Variants in IRS4 observed in about 807,000 individuals in gnomAD.
IRS4 encodes the protein insulin receptor substrate 4, also known as 160 kDa phosphotyrosine protein.
In IRS4, 15 loss-of-function variants were observed where a neutral mutation model predicts 48.6. The ratio of observed to expected loss-of-function variants is 0.31; its 90% CI spans 0.21 to 0.48. The LOEUF (loss-of-function observed/expected upper bound fraction) is 0.48, where lower values mean the gene tolerates loss of function less well. IRS4 is among the 20% of genes least tolerant of loss of function. The probability of loss-of-function intolerance (pLI) is 0.99; values close to 1 mark genes in which losing one functional copy is unlikely to be tolerated. For synonymous variants in IRS4, 459 were observed against 413.2 expected (o/e 1.11, Z -1.34); for missense variants, 987 against 1,023.4 (o/e 0.96, Z 0.49).
At chrX:108,724,503 T>G (rs915315867) in intron 1 of IRS4, 1 of 112,269 alleles carries the variant, frequency 8.9e-6, no homozygotes, top group Non-Finnish European at 1.9e-5. Flanking sequence ...GCCACAGATT[T>G]GCCTTTATAA....
chrX:108,721,255 C>T lies in IRS4; in HGVS notation c.*1264G>A, dbSNP rs1054100808. On this transcript the variant is annotated 3_prime_UTR_variant, in exon 2 of 2. Transcript: ENST00000372129. ...TTGTGTGCCACCACGGAACAAAGCT[C>T]TAAGCAAGCTTCAAGACCTTTGTAC... 1 of 111,732 alleles carries T rather than the reference C, an allele frequency of 8.9e-6. No homozygotes were observed. The highest frequency in any genetic ancestry group is 1.9e-5 in the Non-Finnish European group (1 of 53,139). The allele number at this position is 111,732 out of a possible 1,213,427, so 9.2% of individuals were successfully genotyped here.
Position 108,735,242 on chromosome X carries a change from G to T in IRS4, c.1103C>A (p.Pro368Gln), listed in dbSNP as rs1318227761. Residue 368 changes from proline to glutamine, a missense_variant, in exon 1 of 2, where the codon CCG (proline) becomes CAG (glutamine). By Grantham distance (76) the Pro-to-Gln change is moderately conservative (BLOSUM62 -1). This residue lies in a region of IRS4 where 74 missense variants were observed against 100.4 expected (regional missense o/e 0.74). Transcript: ENST00000372129. ...RRHLGLVPLE[P>Q]GGWLRRSRFE... Reference sequence around the variant, plus strand: ...GCGGGACCTTCTGAGCCAGCCTCCCGGCTCGAGCGGCACCAAGCCCAGGTG... The same window carrying T: ...GCGGGACCTTCTGAGCCAGCCTCCCTGCTCGAGCGGCACCAAGCCCAGGTG... The T allele has an allele frequency of 7.4e-6, 9 of 1,209,566 alleles. No individual in the cohort carries two copies. The highest frequency in any genetic ancestry group is 1.8e-5 in the African/African-American group (1 of 56,986).
chrX:108,732,534 A>G (rs1363803011), intron 1 of IRS4, 45 bp downstream of exon 1: 1 of 1,210,429 alleles, frequency 8.3e-7, no homozygotes, highest in Non-Finnish European at 1.1e-6. Flanking sequence ...GAATCATTAG[A>G]CAATGACCAT....
Position 108,732,990 on chromosome X carries a change from C to G in IRS4, c.3355G>C (p.Ala1119Pro), listed in dbSNP as rs940042462. The G allele has an allele frequency of 8.3e-7, 1 of 1,202,569 alleles. No individual in the cohort carries two copies. The highest frequency in any genetic ancestry group is 1.8e-5 in the African/African-American group (1 of 57,114). Residue 1119 changes from alanine (A) to proline (P), a missense_variant, in exon 1 of 2, where the codon GCT (alanine) becomes CCT (proline). By Grantham distance (27) the Ala-to-Pro change is conservative. Around this residue, in one of 4 missense-constraint regions of IRS4, gnomAD observed 720 missense variants for 660.3 expected, o/e 1.09. Coordinates refer to ENST00000372129, the MANE Select transcript of IRS4 (RefSeq NM_001379150.1). ...ERDLSPSSAP[A>P]VASAAEPTLA... is the part of the protein sequence containing the mutation. ...GTCGGCTCTGCAGCCGAAGCGACAG[C>G]CGGGGCTGAGGATGGGGAAAGGTCT...
chrX:108,722,796 C>T (rs1438104220), intron 1 of IRS4: 3 of 156,529 alleles, frequency 1.9e-5, no homozygotes, highest in Admixed American at 7.0e-5. Context: ...CATCTTTGCA[C>T]GTGCGTGCAC....
intron 1 of IRS4, chrX:108,724,422 A>T (rs749373840): frequency 2.7e-5 from 3 of 112,645 alleles, no homozygotes; most frequent in African/African-American, 9.7e-5. Context: ...GTAGAAAGGA[A>T]TAATGTTATC....
At chrX:108,726,057 A>G (rs1368892483) in intron 1 of IRS4, 1 of 112,485 alleles carries the variant, frequency 8.9e-6, no homozygotes, top group African/African-American at 3.2e-5. Flanking sequence ...CTGCCTAGTT[A>G]CTGCCAACTT....
rs2068856951 is a variant in IRS4 at position 108,721,829 on chromosome X, T to C, written c.*690A>G. The C allele has an allele frequency of 8.9e-6, 1 of 112,156 alleles. No individual in the cohort carries two copies. Among genetic ancestry groups the C allele is most frequent in the South Asian group, 3.7e-4 (1 of 2,680 alleles). 9.2% of individuals were successfully genotyped at this position (112,156 alleles called of 1,213,427 possible). ...GTTTCTCAGTTCTGCCTTTAAAATG[T>C]TGGAAATGCTCAATCAAGATATTAG... On this transcript the variant is annotated 3_prime_UTR_variant, in exon 2 of 2. Transcript: ENST00000372129.
Position 108,728,043 on chromosome X carries a change from A to C in IRS4, c.3766+4536T>G, listed in dbSNP as rs774012802. ...ATGTCAATGAATTATTAGGAAAATC[A>C]AAGAAATCTAACTTCAGTTAAAGAA... On this transcript the variant is annotated intron_variant, in intron 1 of 1. Coordinates refer to ENST00000372129, the MANE Select transcript of IRS4 (RefSeq NM_001379150.1). 2.7e-5 allele frequency among the ~76,000 whole-genome samples: 3 copies of C among 112,567 alleles called. No individual in the cohort carries two copies. The East Asian group carries it at 8.4e-4, about 31-fold the overall frequency.
chrX:108,726,891 TACA>T (rs1382559910), intron 1 of IRS4: 1 of 112,133 alleles, frequency 8.9e-6, no homozygotes. Flanking sequence ...CTTGGATCTG[TACA>T]ACAAGGATCC....
Position 108,736,479 on chromosome X carries a change from C to G in IRS4, c.-135G>C. ...CCTTGGCCCGCGCCCCCGCCCACTC[C>G]ACTCTGAGCGCACGACAGCGGGCAA... On this transcript the variant is annotated 5_prime_UTR_variant, in exon 1 of 2. Coordinates refer to ENST00000372129, the MANE Select transcript of IRS4 (RefSeq NM_001379150.1). 1 of 1,013,918 alleles carries G rather than the reference C, an allele frequency of 9.9e-7. No individual in the cohort carries two copies. The highest frequency in any genetic ancestry group is 1.3e-6 in the Non-Finnish European group (1 of 747,906). 83.6% of individuals were successfully genotyped at this position (1,013,918 alleles called of 1,213,427 possible). A position where few individuals can be genotyped will look rare whatever the true frequency, so the allele number is the denominator to read the frequency against.
In IRS4 at chrX:108,720,176, T is replaced by C. The variant is rs769219482; in HGVS notation, c.*2343A>G. On this transcript the variant is annotated 3_prime_UTR_variant, in exon 2 of 2. Transcript: ENST00000372129. ...AGAAATAGCAGATGTAATTAGCTGG[T>C]GGAACTGTAAAGTTTCAGTTTTTAA... 1 of 112,382 alleles carries C rather than the reference T, an allele frequency of 8.9e-6. No homozygotes were observed. Among genetic ancestry groups the C allele is most frequent in the Non-Finnish European group, 1.9e-5 (1 of 53,280 alleles). 9.3% of individuals were successfully genotyped at this position (112,382 alleles called of 1,213,427 possible). A position where few individuals can be genotyped will look rare whatever the true frequency, so the allele number is the denominator to read the frequency against.
In IRS4 at chrX:108,734,864, C is replaced by T. The variant is rs750749821; in HGVS notation, c.1481G>A (p.Gly494Asp). 4.1e-6 allele frequency: 5 copies of T among 1,210,308 alleles called. No homozygotes were observed. In the South Asian group the frequency reaches 7.0e-5, roughly 17 times the overall value. ...GGDYMPMNNWGSGNGRGSGGG... is the reference protein window; with the variant it reads ...GGDYMPMNNWDSGNGRGSGGG... ...TCCTGAGCCCCGGCCATTTCCTGAG[C>T]CCCAATTGTTCATAGGCATGTAGTC... Residue 494 changes from glycine to aspartate, a missense_variant, in exon 1 of 2, where the codon GGC (glycine) becomes GAC (aspartate). Physicochemically the swap from Gly to Asp is moderately conservative, Grantham distance 94. This residue lies in a region of IRS4 where 720 missense variants were observed against 660.3 expected (regional missense o/e 1.09). Coordinates refer to ENST00000372129, the MANE Select transcript of IRS4 (RefSeq NM_001379150.1).
intron 1 of IRS4, among the ~76,000 whole-genome samples, chrX:108,727,473 T>C (rs2068881523): frequency 8.9e-6 from 1 of 111,898 alleles, no homozygotes; most frequent in Non-Finnish European, 1.9e-5. Context: ...TATCAATAGC[T>C]TTAAAATCAG....
Position 108,734,123 on chromosome X carries a change from C to T in IRS4, c.2222G>A (p.Arg741Lys), listed in dbSNP as rs1987988527. 8.3e-7 allele frequency: 1 copy of T among 1,209,080 alleles called. No homozygotes were observed. Among genetic ancestry groups the T allele is most frequent in the African/African-American group, 1.8e-5 (1 of 56,860 alleles). The change falls in exon 1 of 2, where the codon AGA becomes AAA. Residue 741 changes from arginine (R) to lysine (K), a missense_variant. Transcript: ENST00000372129. Reference sequence around the variant, plus strand: ...TCTGGGAAACATCATCATGTACCCTCTTGAATCTTCAAAAGGGGATCGAGA... The same window carrying T: ...TCTGGGAAACATCATCATGTACCCTTTTGAATCTTCAAAAGGGGATCGAGA... Reference protein sequence around the residue: ...RHSRSPFEDSRGYMMMFPRVS... With the variant: ...RHSRSPFEDSKGYMMMFPRVS...
chrX:108,726,906 T>C (rs2068879294), intron 1 of IRS4: 1 of 112,063 alleles, frequency 8.9e-6, no homozygotes, highest in African/African-American at 3.2e-5. Context: ...CAAGGATCCC[T>C]ACAAGGAAGG....
chrX:108,734,371 A>C lies in IRS4; in HGVS notation c.1974T>G (p.Cys658Trp). Residue 658 changes from cysteine (C) to tryptophan (W), a missense_variant, in exon 1 of 2, where the codon TGT becomes TGG. Around this residue, in one of 4 missense-constraint regions of IRS4, gnomAD observed 720 missense variants for 660.3 expected, o/e 1.09. Coordinates refer to ENST00000372129, the MANE Select transcript of IRS4 (RefSeq NM_001379150.1). ...ATTCTTTCGTGGCTCCTCTGTCAACACAAAAATAAAGTCTGAATCTTCCCC... is the reference window on the plus strand; with the variant it reads ...ATTCTTTCGTGGCTCCTCTGTCAACCCAAAAATAAAGTCTGAATCTTCCCC... Reference protein sequence around the residue: ...KSGGRFRLYFCVDRGATKECK... With the variant: ...KSGGRFRLYFWVDRGATKECK... The C allele has an allele frequency of 8.3e-7, 1 of 1,211,241 alleles. No homozygotes were observed.
At chrX:108,723,353 A>T (rs1415448205) in intron 1 of IRS4, 2 of 111,988 alleles carry the variant, frequency 1.8e-5, no homozygotes, top group African/African-American at 6.5e-5. Context: ...TTCTCATCAA[A>T]GGTTTTACAA....
intron 1 of IRS4, 26 bp from the exon 2 acceptor site, chrX:108,722,549 G>C (rs185340307): frequency 5.8e-5 from 19 of 325,080 alleles, no homozygotes; most frequent in African/African-American, 5.0e-4. Flanking sequence ...TAAAACAAAA[G>C]TTACTTGCAG....
Sources: allele counts gnomAD v4.1 joint callset (sites outside exome capture counted in the v4.1 genomes callset), GRCh38; gene constraint gnomAD v4.1.1; regional missense constraint gnomAD v4.1.1; transcripts MANE v1.5; gene names NCBI Gene and HGNC (gene_info 2026-07-23, HGNC 2026-07-21).